The following CADPS2 variants were observed in gnomAD, a reference collection of about 807,000 sequenced individuals.
The protein encoded by CADPS2 is calcium dependent secretion activator 2, also known as calcium-dependent secretion activator 2.
A neutral mutation model predicts 172.5 loss-of-function variants in CADPS2; 93 were observed. The observed-to-expected ratio is 0.54, with a 90% confidence interval of 0.46 to 0.64. The LOEUF (loss-of-function observed/expected upper bound fraction) is 0.64, where lower values mean the gene tolerates loss of function less well. Ranked by LOEUF, CADPS2 falls within the 30% of genes least tolerant of loss-of-function variation. CADPS2 has a pLI of 0.00. For missense variants in CADPS2, 1,420 were observed against 1,565.9 expected (o/e 0.91, Z 1.57); for synonymous variants, 546 against 555.2 (o/e 0.98, Z 0.23).
At chr7:122,358,406 C>G (rs893301950) in intron 27 of CADPS2, among the ~76,000 whole-genome samples, 2 of 152,028 alleles carry the variant, frequency 1.3e-5, no homozygotes, top group African/African-American at 4.8e-5. Context: ...TAGTTCTTCC[C>G]ATTTGTGGCT....
At chr7:122,625,833 A>T (rs2076034655) in intron 4 of CADPS2, among the ~76,000 whole-genome samples, 1 of 152,078 alleles carries the variant, frequency 6.6e-6, no homozygotes, top group Non-Finnish European at 1.5e-5. Context: ...TATGCATAAC[A>T]TCTACTTTTT....
chr7:122,441,491 T>TAA, intron 16 of CADPS2, 21 bp downstream of exon 16: 1 of 1,488,004 alleles, frequency 6.7e-7, no homozygotes, highest in South Asian at 1.3e-5. Flanking sequence ...ATAGTATTTA[T>TAA]AAAGTAATGT....
chr7:122,420,980 T>C (rs997672340), intron 17 of CADPS2: 3 of 152,194 alleles, frequency 2.0e-5, no homozygotes, highest in Non-Finnish European at 4.4e-5. Context: ...TTCATTCTAC[T>C]CCATGGCTTA....
intron 1 of CADPS2, among the ~76,000 whole-genome samples, chr7:122,787,570 G>A (rs986024968): frequency 5.9e-5 from 9 of 152,288 alleles, no homozygotes; most frequent in African/African-American, 2.2e-4. Context: ...ACACTGCAAT[G>A]ATTTGCTTCC....
chr7:122,722,467 T>C (rs538663060), intron 2 of CADPS2, among the ~76,000 whole-genome samples: 18 of 151,326 alleles, frequency 1.2e-4, no homozygotes, highest in African/African-American at 4.4e-4. Context: ...ATAAAATACC[T>C]AGGAATCCAA....
chr7:122,567,505 G>C (rs2066621389), intron 7 of CADPS2, among the ~76,000 whole-genome samples: 1 of 151,962 alleles, frequency 6.6e-6, no homozygotes, highest in Non-Finnish European at 1.5e-5. Context: ...TTCTGATTTT[G>C]TTCAAAGCAA....
intron 1 of CADPS2, among the ~76,000 whole-genome samples, chr7:122,873,917 G>A (rs1721434811): frequency 6.6e-6 from 1 of 152,134 alleles, no homozygotes; most frequent in Non-Finnish European, 1.5e-5. Context: ...CTAATGACCA[G>A]TGATGATGAG....
At position 122,513,296 on chromosome 7, in the gene CADPS2, G is replaced by T; in HGVS notation, c.1495C>A (p.Gln499Lys). The T allele has an allele frequency of 2.6e-6, 4 of 1,560,968 alleles. No individual in the cohort carries two copies. The highest frequency in any genetic ancestry group is 3.5e-6 in the Non-Finnish European group (4 of 1,151,144). Residue 499 changes from glutamine to lysine, a missense_variant, in exon 9 of 30, where the codon CAG (glutamine) becomes AAG (lysine). Transcript: ENST00000449022. ...TTTTTCCATCTTTTCCAAACCTTCTGTCCAAGGGCATACAGATATCTGGAA... is the reference window on the plus strand; with the variant it reads ...TTTTTCCATCTTTTCCAAACCTTCTTTCCAAGGGCATACAGATATCTGGAA... ...KHSGYLYALG[Q>K]KVWKRWKKRY...
At chr7:122,674,784 G>A (rs568384674) in intron 2 of CADPS2, among the ~76,000 whole-genome samples, 1 of 152,312 alleles carries the variant, frequency 6.6e-6, no homozygotes, top group South Asian at 2.1e-4. Flanking sequence ...GCCAGCATGT[G>A]TTCAGCAAAA....
chr7:122,473,152 C>T (rs945814251), intron 13 of CADPS2, among the ~76,000 whole-genome samples: 1 of 152,118 alleles, frequency 6.6e-6, no homozygotes. Flanking sequence ...GTTGTAAATA[C>T]ACAGTAGTCT....
chr7:122,462,076 A>G (rs2054521212), intron 14 of CADPS2, among the ~76,000 whole-genome samples: 1 of 152,354 alleles, frequency 6.6e-6, no homozygotes, highest in African/African-American at 2.4e-5. Context: ...CATTTATAGG[A>G]AAGTCCAAAG....
At position 122,320,349 on chromosome 7, in the gene CADPS2, A is replaced by G. The variant is rs1008989632; in HGVS notation, c.3718-11T>C. The G allele has an allele frequency of 1.9e-6, 3 of 1,585,364 alleles. No individual in the cohort carries two copies. In the Admixed American group the frequency reaches 5.4e-5, roughly 28 times the overall value. ...GTCCCTGTAGGTTTTCTGAAGAAAG[A>G]AGATAAAATTTGCTTAGCTCACTTA... On this transcript the variant is annotated splice_polypyrimidine_tract_variant and intron_variant, in intron 29 of 29. Coordinates refer to ENST00000449022, the MANE Select transcript of CADPS2 (RefSeq NM_017954.11).
At chr7:122,739,706 AAAG>A (rs1279163012) in intron 1 of CADPS2, among the ~76,000 whole-genome samples, 2 of 152,218 alleles carry the variant, frequency 1.3e-5, no homozygotes, top group Non-Finnish European at 1.5e-5. Context: ...TTATTAGCAT[AAAG>A]AAGAAGTCTA....
intron 1 of CADPS2, among the ~76,000 whole-genome samples, chr7:122,774,547 TA>T (rs906185860): frequency 1.3e-5 from 2 of 152,160 alleles, no homozygotes; most frequent in African/African-American, 4.8e-5. Flanking sequence ...GCATAGGTTA[TA>T]AATGTTCTAC....
chr7:122,511,528 T>C (rs866981901), intron 9 of CADPS2, among the ~76,000 whole-genome samples: 10 of 152,286 alleles, frequency 6.6e-5, no homozygotes, highest in Middle Eastern at 3.4e-3. Context: ...AATAACATAC[T>C]GAACATCTGT....
At chr7:122,408,175 CTGTTA>C (rs1312505071) in intron 19 of CADPS2, among the ~76,000 whole-genome samples, 2 of 147,000 alleles carry the variant, frequency 1.4e-5, no homozygotes, top group Admixed American at 6.7e-5. Flanking sequence ...TAAGGATATA[CTGTTA>C]TTTTTTTTTT....
At chr7:122,533,302 A>C (rs1217804485) in intron 8 of CADPS2, among the ~76,000 whole-genome samples, 1 of 152,164 alleles carries the variant, frequency 6.6e-6, no homozygotes, top group Non-Finnish European at 1.5e-5. Context: ...TGATAACGAC[A>C]AATCTCTTTA....
intron 13 of CADPS2, among the ~76,000 whole-genome samples, chr7:122,472,008 T>A (rs1422056527): frequency 6.6e-6 from 1 of 152,192 alleles, no homozygotes; most frequent in Non-Finnish European, 1.5e-5. Context: ...CATGTACTAT[T>A]TGGGAACTTA....
intron 28 of CADPS2, among the ~76,000 whole-genome samples, chr7:122,334,004 A>C (rs983986700): frequency 1.3e-5 from 2 of 152,206 alleles, no homozygotes; most frequent in South Asian, 4.1e-4. Context: ...TTTCCTTAAC[A>C]GAAAAATAAT....
Sources: gnomAD v4.1 joint callset for allele counts (sites outside exome capture counted in the v4.1 genomes callset) on GRCh38, gnomAD v4.1.1 for gene constraint, MANE v1.5 for transcripts, NCBI Gene and HGNC (gene_info 2026-07-23, HGNC 2026-07-21) for gene names.